LETM1: variants seen among roughly 807,000 people sequenced by gnomAD.
The protein encoded by LETM1 is mitochondrial proton/calcium exchanger protein.
A neutral mutation model predicts 74.5 loss-of-function variants in LETM1; 50 were observed. The ratio of observed to expected loss-of-function variants is 0.67; its 90% CI spans 0.53 to 0.85. The LOEUF is 0.85. LETM1 is among the 40% of genes least tolerant of loss of function. The probability of loss-of-function intolerance (pLI) is 0.00; values close to 1 mark genes in which losing one functional copy is unlikely to be tolerated. For synonymous variants in LETM1, 446 were observed against 407.1 expected, an observed-to-expected ratio of 1.10 and a Z score of -1.15; for missense variants, 824 against 967.8, an observed-to-expected ratio of 0.85 and a Z score of 1.97.
chr4:1,846,019 A>G lies in LETM1; in HGVS notation c.143+3130T>C, dbSNP rs375322686. On this transcript the variant is annotated intron_variant, in intron 2 of 13. Transcript: ENST00000302787. ...ACTACAGGCGCGCACCATCACACCC[A>G]GTTATTTTTGTATTTTTAGTAGAGA... Among the ~76,000 whole-genome samples, 27 of 145,354 alleles carry G rather than the reference A, an allele frequency of 1.9e-4. No individual in the cohort carries two copies. In the South Asian group the frequency reaches 5.3e-3, roughly 28 times the overall value.
chr4:1,828,736 C>G (rs1712126409), intron 6 of LETM1, among the ~76,000 whole-genome samples: 1 of 137,380 alleles, frequency 7.3e-6, no homozygotes, highest in African/African-American at 2.8e-5. Flanking sequence ...CAGAGGGGCT[C>G]CCCACTTCCC....
chr4:1,829,463 G>A (rs1712180471), intron 6 of LETM1, among the ~76,000 whole-genome samples: 1 of 152,244 alleles, frequency 6.6e-6, no homozygotes, highest in Admixed American at 6.5e-5. Context: ...ACTTCCTCTG[G>A]TCTCCACAGT....
chr4:1,818,165 G>A (rs891152751), intron 11 of LETM1, among the ~76,000 whole-genome samples: 4 of 152,152 alleles, frequency 2.6e-5, no homozygotes, highest in African/African-American at 9.7e-5. Context: ...GGGAGGGGAG[G>A]GAAGGAACAG....
rs769768748 is a variant in LETM1, at chr4:1,825,631, G to A, written c.1133C>T (p.Ala378Val). ...GGCCCGCATGCCTCGTGCCCGACAC[G>A]CTGCCTGCAGCTCCTTGACATTCAG... is the stretch of plus-strand genomic sequence containing the variant. ...DSLNVKELQA[A>V]CRARGMRALG... The change falls in exon 7 of 14, where the codon GCG (alanine) becomes GTG (valine). Residue 378 changes from alanine to valine, a missense_variant. By Grantham distance (64) the Ala-to-Val change is moderately conservative. Coordinates refer to ENST00000302787, the MANE Select transcript of LETM1 (RefSeq NM_012318.3). 16 of 1,613,988 alleles carry A rather than the reference G, an allele frequency of 9.9e-6. No individual in the cohort carries two copies. The highest frequency in any genetic ancestry group is 3.3e-5 in the South Asian group (3 of 91,076).
At chr4:1,830,307 C>T (rs1338040674) in intron 6 of LETM1, among the ~76,000 whole-genome samples, 1 of 152,168 alleles carries the variant, frequency 6.6e-6, no homozygotes, top group Non-Finnish European at 1.5e-5. Flanking sequence ...TTGTACTTTT[C>T]AGTTGTAATT....
rs191183425 is a variant in LETM1 at position 1,821,662 on chromosome 4, C to T, written c.1608+519G>A. On this transcript the variant is annotated intron_variant, in intron 10 of 13. Coordinates refer to ENST00000302787, the MANE Select transcript of LETM1 (RefSeq NM_012318.3). ...GAGATGGCGCCACTGCACTTCAGCC[C>T]GCGAGTTCAAGATGGAAGGTACCAG... Among the ~76,000 whole-genome samples, 59 of 152,224 alleles carry T rather than the reference C, an allele frequency of 3.9e-4. 1 individual carries two copies. In the East Asian group the frequency reaches 7.2e-3, roughly 19 times the overall value.
intron 2 of LETM1, among the ~76,000 whole-genome samples, chr4:1,845,816 T>G (rs1379062304): frequency 2.7e-5 from 4 of 150,646 alleles, no homozygotes; most frequent in Non-Finnish European, 5.9e-5. Flanking sequence ...AGGCATGAGA[T>G]TACAGGCATG....
chr4:1,825,645 C>T lies in LETM1; in HGVS notation c.1119G>A (p.Lys373=). The stretch of plus-strand genomic sequence containing the variant: ...GTGCCCGACACGCTGCCTGCAGCTC[C>T]TTGACATTCAGGCTGTCCACCCCTT... ...AEEGVDSLNV[K]ELQAACRARG... is the part of the protein sequence containing the mutation. The change falls in exon 7 of 14, where the codon AAG becomes AAA. Residue 373 remains lysine, a synonymous_variant. Transcript: ENST00000302787. 6.2e-7 allele frequency: 1 copy of T among 1,614,044 alleles called. No individual in the cohort carries two copies. The highest frequency in any genetic ancestry group is 8.5e-7 in the Non-Finnish European group (1 of 1,179,936).
intron 11 of LETM1, among the ~76,000 whole-genome samples, chr4:1,818,127 C>T (rs532029194): frequency 1.5e-4 from 23 of 152,000 alleles, no homozygotes; most frequent in African/African-American, 5.3e-4. Context: ...CACGAGTAAA[C>T]ACCATGAGGA....
intron 6 of LETM1, among the ~76,000 whole-genome samples, chr4:1,829,306 G>A (rs1362247277): frequency 4.5e-5 from 6 of 133,282 alleles, no homozygotes; most frequent in Admixed American, 7.4e-5. Flanking sequence ...GGGCAGAGGC[G>A]CCCCTCACCT....
chr4:1,845,368 G>A (rs1712845083), intron 2 of LETM1, among the ~76,000 whole-genome samples: 1 of 152,138 alleles, frequency 6.6e-6, no homozygotes, highest in African/African-American at 2.4e-5. Flanking sequence ...CACTTTGGGA[G>A]GCCGAGGTAG....
In LETM1 at chr4:1,834,634, C is replaced by A; in HGVS notation, c.876+211G>T. 5 of 1,391,090 alleles carry A rather than the reference C, an allele frequency of 3.6e-6. No individual in the cohort carries two copies. The highest frequency in any genetic ancestry group is 4.7e-6 in the Non-Finnish European group (5 of 1,074,160). 86.2% of individuals were successfully genotyped at this position (1,391,090 alleles called of 1,614,324 possible). A position where few individuals can be genotyped will look rare whatever the true frequency, so the allele number is the denominator to read the frequency against. On this transcript the variant is annotated intron_variant, in intron 5 of 13. Coordinates refer to ENST00000302787, the MANE Select transcript of LETM1 (RefSeq NM_012318.3). The surrounding 1 kb of genome is among the most constrained non-coding windows in gnomAD (Gnocchi z 5.0). ...AGACGCCCATAATTCTGAAGGCTGACGAGGCGCAGCCACCACAGCTTAACT... is the reference window on the plus strand; with the variant it reads ...AGACGCCCATAATTCTGAAGGCTGAAGAGGCGCAGCCACCACAGCTTAACT...
chr4:1,835,458 AAAACAAAAACAAACAAACAAAC>A (rs1712432243), intron 4 of LETM1, among the ~76,000 whole-genome samples: 2 of 150,386 alleles, frequency 1.3e-5, no homozygotes, highest in South Asian at 4.1e-4. Context: ...AAACAAAAAC[AAAACAAAAACAAACAAACAAAC>A]AAACAAAAAC....
chr4:1,840,048 T>C (rs888923986), intron 3 of LETM1, among the ~76,000 whole-genome samples: 12 of 152,246 alleles, frequency 7.9e-5, no homozygotes, highest in African/African-American at 2.6e-4. Flanking sequence ...TAAATACGTA[T>C]ACCTACTATG....
chr4:1,824,492 T>C (rs1711910867), intron 7 of LETM1, among the ~76,000 whole-genome samples: 1 of 151,992 alleles, frequency 6.6e-6, no homozygotes, highest in African/African-American at 2.4e-5. Flanking sequence ...ACCGTGACAA[T>C]GTTTAGAGAC....
Position 1,823,435 on chromosome 4 carries a change from T to G in LETM1, c.1332+209A>C, listed in dbSNP as rs1254098362. Among the ~76,000 whole-genome samples the G allele has an allele frequency of 2.8e-5, 4 of 144,858 alleles. No individual in the cohort carries two copies. The East Asian group carries it at 8.4e-4, about 30-fold the overall frequency. On this transcript the variant is annotated intron_variant, in intron 8 of 13. Coordinates refer to ENST00000302787, the MANE Select transcript of LETM1 (RefSeq NM_012318.3). ...GCCAGGTCGGGACCACTGGCAACTGTGCCACACGGGGGATGGCAGGCAAGG... is the reference window on the plus strand; with the variant it reads ...GCCAGGTCGGGACCACTGGCAACTGGGCCACACGGGGGATGGCAGGCAAGG...
Position 1,822,306 on chromosome 4 carries a change from A to G in LETM1, c.1483T>C (p.Phe495Leu). 1 of 1,498,300 alleles carries G rather than the reference A, an allele frequency of 6.7e-7. No homozygotes were observed. The highest frequency in any genetic ancestry group is 9.0e-7 in the Non-Finnish European group (1 of 1,116,042). The allele number at this position is 1,498,300 out of a possible 1,614,324, so 92.8% of individuals were successfully genotyped here. A position where few individuals can be genotyped will look rare whatever the true frequency, so the allele number is the denominator to read the frequency against. ...LQKRSEVAKD[F>L]EPERVVAAPQ... is the part of the protein sequence containing the mutation. ...GCAGCTACCACACGTTCGGGCTCAA[A>G]ATCCTTCTGAAAGGCAAGGCGACAC... Residue 495 changes from phenylalanine (F) to leucine (L), a missense_variant, in exon 10 of 14, where the codon TTT (phenylalanine) becomes CTT (leucine). This residue lies in a region of LETM1 where 172 missense variants were observed against 170.7 expected (regional missense o/e 1.01). Coordinates refer to ENST00000302787, the MANE Select transcript of LETM1 (RefSeq NM_012318.3).
At chr4:1,819,662 T>A (rs948750501) in intron 10 of LETM1, among the ~76,000 whole-genome samples, 190 bp from the exon 11 acceptor site, 2 of 152,214 alleles carry the variant, frequency 1.3e-5, no homozygotes, top group African/African-American at 4.8e-5. Flanking sequence ...GCAGTCACTG[T>A]CTGCCCTCAT....
chr4:1,814,191 A>T lies in LETM1; in HGVS notation c.*233T>A. The T allele has an allele frequency of 6.1e-6, 4 of 659,878 alleles. No homozygotes were observed. Among genetic ancestry groups the T allele is most frequent in the Non-Finnish European group, 9.9e-6 (4 of 403,656 alleles). The allele number at this position is 659,878 out of a possible 1,614,324, so 40.9% of individuals were successfully genotyped here. On this transcript the variant is annotated 3_prime_UTR_variant, in exon 14 of 14. Coordinates refer to ENST00000302787, the MANE Select transcript of LETM1 (RefSeq NM_012318.3). ...GCCTCTGGAGCCAGGAGGCCGTGGC[A>T]GCCACACCACAGTGTGGATCCAGAC...
Sources: allele counts gnomAD v4.1 joint callset (sites outside exome capture counted in the v4.1 genomes callset), GRCh38; gene constraint gnomAD v4.1.1; regional missense constraint gnomAD v4.1.1; non-coding constraint Gnocchi (gnomAD v3.1); transcripts MANE v1.5; gene names NCBI Gene and HGNC (gene_info 2026-07-23, HGNC 2026-07-21).